RNF180: variants seen among roughly 807,000 people sequenced by gnomAD.
The protein encoded by RNF180 is ring finger protein 180.
RNF180 carries 38 observed loss-of-function variants against 59.2 expected under a neutral mutation model. The observed-to-expected ratio is 0.64, with a 90% CI of 0.50 to 0.84. The LOEUF is 0.84. Ranked by LOEUF, RNF180 falls within the 40% of genes least tolerant of loss-of-function variation. RNF180 has a pLI of 0.00. For synonymous variants in RNF180, 262 were observed against 240.3 expected (o/e 1.09, Z -0.84); for missense variants, 705 against 700.9 (o/e 1.01, Z -0.07).
At chr5:64,191,762 A>C (rs1330526610) in intron 1 of RNF180, among the ~76,000 whole-genome samples, 4 of 151,992 alleles carry the variant, frequency 2.6e-5, no homozygotes, top group Non-Finnish European at 5.9e-5. Flanking sequence ...CACTCTGTTG[A>C]TTGTTTCCTT....
At chr5:64,254,929 G>T (rs1303516494) in intron 5 of RNF180, among the ~76,000 whole-genome samples, 1 of 152,072 alleles carries the variant, frequency 6.6e-6, no homozygotes, top group Non-Finnish European at 1.5e-5. Flanking sequence ...CTCTTTGGGG[G>T]AGGAGAGCCC....
chr5:64,212,307 C>G (rs866830449), intron 3 of RNF180, 147 bp downstream of exon 3: 4 of 609,190 alleles, frequency 6.6e-6, no homozygotes, highest in Non-Finnish European at 6.0e-6. Context: ...CACTTCTTTT[C>G]TCCTTTCTCC....
rs568503794 is a variant in RNF180, at chr5:64,238,356, C to T, written c.1227+20960C>T. ...ATTTTAATTCTTTTGGAGAAATACT[C>T]GAGTGGGATCACTGGATCATATGGC... On this transcript the variant is annotated intron_variant, in intron 5 of 7. Transcript: ENST00000389100. Among the ~76,000 whole-genome samples the T allele has an allele frequency of 3.9e-5, 6 of 152,218 alleles. No homozygotes were observed. In the South Asian group the frequency reaches 1.0e-3, roughly 26 times the overall value.
chr5:64,346,551 G>A (rs1451400610), intron 7 of RNF180, among the ~76,000 whole-genome samples: 2 of 151,502 alleles, frequency 1.3e-5, no homozygotes, highest in Non-Finnish European at 2.9e-5. Flanking sequence ...TGTATTTCTA[G>A]TAGAGACGGG....
At chr5:64,286,720 A>T (rs1742309606) in intron 5 of RNF180, among the ~76,000 whole-genome samples, 1 of 152,222 alleles carries the variant, frequency 6.6e-6, no homozygotes, top group Non-Finnish European at 1.5e-5. Flanking sequence ...TTCAGTTTAC[A>T]ATCCAGTTAA....
chr5:64,269,136 A>G (rs1744859659), intron 5 of RNF180, among the ~76,000 whole-genome samples: 1 of 152,116 alleles, frequency 6.6e-6, no homozygotes. Flanking sequence ...CCAATGATAC[A>G]TTGTTAAATT....
rs1752512871 is a variant in RNF180 at position 64,214,518 on chromosome 5, G to A, written c.1191+1G>A. The A allele has an allele frequency of 6.2e-7, 1 of 1,606,032 alleles. No individual in the cohort carries two copies. Among genetic ancestry groups the A allele is most frequent in the African/African-American group, 1.3e-5 (1 of 74,488 alleles). On this transcript the variant is annotated splice_donor_variant, in intron 4 of 7. Transcript: ENST00000389100. LOFTEE classifies it high-confidence loss of function. ...GCGTGAAAGATGGCTACAGAAGCAG[G>A]TAATATTTTTCAAAAGAGTTTACTA...
chr5:64,181,986 CTTTTTTTT>C (rs1190089130), intron 1 of RNF180, among the ~76,000 whole-genome samples: 1 of 94,620 alleles, frequency 1.1e-5, no homozygotes, highest in Admixed American at 1.2e-4. Context: ...CTGCTACTGT[CTTTTTTTT>C]TTTTTTTTTT....
intron 5 of RNF180, among the ~76,000 whole-genome samples, chr5:64,307,311 C>T (rs766386249): frequency 6.6e-6 from 1 of 151,376 alleles, no homozygotes; most frequent in Non-Finnish European, 1.5e-5. Context: ...CTATTTCTGA[C>T]ACTTAAGACT....
At chr5:64,359,479 G>T (rs1411522272) in intron 7 of RNF180, among the ~76,000 whole-genome samples, 1 of 151,920 alleles carries the variant, frequency 6.6e-6, no homozygotes, top group East Asian at 1.9e-4. Context: ...TTTTGATGGG[G>T]TTGTTTGTTT....
At chr5:64,322,266 A>G (rs1272126079) in intron 5 of RNF180, among the ~76,000 whole-genome samples, 1 of 152,066 alleles carries the variant, frequency 6.6e-6, no homozygotes, top group Non-Finnish European at 1.5e-5. Flanking sequence ...CCATCTGACT[A>G]TGGTCTAGTA....
intron 6 of RNF180, among the ~76,000 whole-genome samples, chr5:64,329,143 G>C (rs1313996029): frequency 6.6e-6 from 1 of 152,102 alleles, no homozygotes; most frequent in South Asian, 2.1e-4. Flanking sequence ...AATAGACTCA[G>C]GTGGTCAACC....
At chr5:64,255,277 A>G (rs1743866009) in intron 5 of RNF180, among the ~76,000 whole-genome samples, 2 of 152,144 alleles carry the variant, frequency 1.3e-5, no homozygotes, top group African/African-American at 4.8e-5. Context: ...ATATGTATAC[A>G]TGTGCCATGT....
chr5:64,203,798 G>T (rs1751872305), intron 2 of RNF180, among the ~76,000 whole-genome samples: 1 of 151,838 alleles, frequency 6.6e-6, no homozygotes, highest in Non-Finnish European at 1.5e-5. Flanking sequence ...GCTTAATCTT[G>T]GTAGTGGGCA....
chr5:64,282,937 A>C (rs561353959), intron 5 of RNF180, among the ~76,000 whole-genome samples: 14 of 152,150 alleles, frequency 9.2e-5, no homozygotes, highest in African/African-American at 1.4e-4. Flanking sequence ...GTTATTTTAG[A>C]GTATGTGCCA....
chr5:64,215,397 CATT>C (rs1320878014), intron 4 of RNF180, among the ~76,000 whole-genome samples: 1 of 152,078 alleles, frequency 6.6e-6, no homozygotes, highest in Non-Finnish European at 1.5e-5. Context: ...TAAGTGAACT[CATT>C]ATGGCTTATT....
At chr5:64,185,495 A>C (rs1579951623) in intron 1 of RNF180, among the ~76,000 whole-genome samples, 1 of 152,228 alleles carries the variant, frequency 6.6e-6, no homozygotes, top group East Asian at 1.9e-4. Flanking sequence ...GAAGCATATG[A>C]GTATGTAAAT....
At chr5:64,329,763 T>C (rs1209767419) in intron 6 of RNF180, among the ~76,000 whole-genome samples, 1 of 152,106 alleles carries the variant, frequency 6.6e-6, no homozygotes, top group African/African-American at 2.4e-5. Flanking sequence ...TTACAAGGAG[T>C]GTGCAACCTG....
intron 5 of RNF180, 65 bp from the exon 6 acceptor site, chr5:64,325,121 A>G: frequency 1.0e-6 from 1 of 999,806 alleles, no homozygotes; most frequent in Non-Finnish European, 1.5e-6. Flanking sequence ...AACAAAATAT[A>G]AAGGCTATCT....
Sources: gnomAD v4.1 joint callset for allele counts (sites outside exome capture counted in the v4.1 genomes callset) on GRCh38, gnomAD v4.1.1 for gene constraint, MANE v1.5 for transcripts, NCBI Gene and HGNC (gene_info 2026-07-23, HGNC 2026-07-21) for gene names.